The following SHROOM4 variants were observed in gnomAD, a reference collection of about 807,000 sequenced individuals.
The protein encoded by SHROOM4 is shroom family member 4.
Under a neutral mutation model 80.3 loss-of-function variants are expected in SHROOM4, and 17 were observed. The observed-to-expected ratio is 0.21, with a 90% confidence interval of 0.14 to 0.32. The LOEUF is 0.32. Among genes scored for constraint, SHROOM4 ranks in the 10% least tolerant of loss-of-function variants. SHROOM4 has a pLI of 1.00. For synonymous variants in SHROOM4, 400 were observed against 437.5 expected (o/e 0.91, Z 1.07); for missense variants, 993 against 1,140.3 (o/e 0.87, Z 1.86).
chrX:50,579,502 T>C, the SHROOM4 span, among the ~76,000 whole-genome samples: 32 of 111,975 alleles, frequency 2.9e-4, no homozygotes, highest in Admixed American at 4.7e-4. Flanking sequence ...CCCTATAATT[T>C]ATGGGGAATG....
At chrX:50,699,103 T>G (rs1047110871) in intron 1 of SHROOM4, among the ~76,000 whole-genome samples, 1 of 112,342 alleles carries the variant, frequency 8.9e-6, no homozygotes, top group Non-Finnish European at 1.9e-5. Flanking sequence ...AATTCTCAGA[T>G]TAGACCCAGA....
intron 1 of SHROOM4, among the ~76,000 whole-genome samples, chrX:50,773,773 A>G (rs1386519023): frequency 8.9e-6 from 1 of 112,500 alleles, no homozygotes; most frequent in Non-Finnish European, 1.9e-5. Flanking sequence ...TGAAAAAGCC[A>G]AGGTTTAAAC....
chrX:50,668,081 C>T (rs782630293), intron 2 of SHROOM4, among the ~76,000 whole-genome samples: 1 of 112,273 alleles, frequency 8.9e-6, no homozygotes, highest in African/African-American at 3.2e-5. Flanking sequence ...TCGCAAATCT[C>T]CTCCTCCAGG....
intron 2 of SHROOM4, among the ~76,000 whole-genome samples, chrX:50,652,160 T>C (rs781853530): frequency 8.9e-6 from 1 of 112,038 alleles, no homozygotes; most frequent in Non-Finnish European, 1.9e-5. Context: ...ATCGCCACAC[T>C]ATCTTCCACA....
chrX:50,725,642 C>T (rs4514144), intron 1 of SHROOM4, among the ~76,000 whole-genome samples: 6,429 of 112,235 alleles, frequency 0.057, 474 homozygotes, highest in African/African-American at 0.2. Flanking sequence ...TCTCTCTTTC[C>T]TGCTGCTATG....
chrX:50,598,611 G>C, intron 7 of SHROOM4, 76 bp from the exon 8 acceptor site: 1 of 1,102,819 alleles, frequency 9.1e-7, no homozygotes, highest in Non-Finnish European at 1.2e-6. Flanking sequence ...TGTAACCTCT[G>C]TTTTGGAATC....
rs190617771 is a variant in SHROOM4, at chrX:50,771,776, C to T, written c.117+42126G>A. The stretch of plus-strand genomic sequence containing the variant: ...AATCAGATAAGTGTGCAAAGGTGTA[C>T]GTACACAAATGGCCACTGTTGCACT... On this transcript the variant is annotated intron_variant, in intron 1 of 8. Coordinates refer to ENST00000376020, the MANE Select transcript of SHROOM4 (RefSeq NM_020717.5). Among the ~76,000 whole-genome samples, 427 of 112,056 alleles carry T rather than the reference C, an allele frequency of 3.8e-3. 2 individuals carry two copies. Among genetic ancestry groups the T allele is most frequent in the African/African-American group, 0.013 (391 of 30,809 alleles).
intron 2 of SHROOM4, among the ~76,000 whole-genome samples, chrX:50,680,108 C>T (rs1932910288): frequency 9.0e-6 from 1 of 111,652 alleles, no homozygotes; most frequent in Admixed American, 9.5e-5. Flanking sequence ...TTGTGGGATA[C>T]CACTCTCATT....
intron 1 of SHROOM4, among the ~76,000 whole-genome samples, chrX:50,800,682 C>T (rs1936100514): frequency 9.0e-6 from 1 of 111,231 alleles, no homozygotes; most frequent in Non-Finnish European, 1.9e-5. Flanking sequence ...GAGAGGTAAC[C>T]GTTCTGCCTG....
rs943333675 is a variant in SHROOM4, at chrX:50,591,424, C to T, written c.*5271G>A. Among the ~76,000 whole-genome samples the T allele has an allele frequency of 4.7e-4, 52 of 111,435 alleles. No homozygotes were observed. Among genetic ancestry groups the T allele is most frequent in the Non-Finnish European group, 4.1e-4 (22 of 53,120 alleles). On this transcript the variant is annotated 3_prime_UTR_variant, in exon 9 of 9. Transcript: ENST00000376020. ...ATTTTAGAATCAGCTTGTAAACTTA[C>T]ACAAGGAAGCCACTGGAATTCTGAT...
At chrX:50,694,636 T>C (rs782119930) in intron 2 of SHROOM4, among the ~76,000 whole-genome samples, 1 of 95,250 alleles carries the variant, frequency 1.0e-5, no homozygotes, top group Admixed American at 1.3e-4. Context: ...GGGCAAAATC[T>C]AGAGCTATAA....
intron 1 of SHROOM4, among the ~76,000 whole-genome samples, chrX:50,795,181 T>C (rs1351611035): frequency 2.4e-5 from 2 of 81,987 alleles, no homozygotes; most frequent in African/African-American, 4.8e-5. Flanking sequence ...TATATATATA[T>C]AAAACCATGG....
chrX:50,581,555 G>A, the SHROOM4 span, among the ~76,000 whole-genome samples: 1 of 111,627 alleles, frequency 9.0e-6, no homozygotes, highest in Admixed American at 9.5e-5. Flanking sequence ...TGGCCCTACT[G>A]GCATTTATTT....
chrX:50,728,231 C>T (rs782656987), intron 1 of SHROOM4, among the ~76,000 whole-genome samples: 2 of 110,941 alleles, frequency 1.8e-5, no homozygotes, highest in South Asian at 7.9e-4. Context: ...TGGTGGCGGG[C>T]ACCTGTAGTC....
At chrX:50,627,457 C>G (rs1325449523) in intron 5 of SHROOM4, among the ~76,000 whole-genome samples, 157 bp downstream of exon 5, 1 of 110,865 alleles carries the variant, frequency 9.0e-6, no homozygotes, top group Admixed American at 9.6e-5. Context: ...GTGCGGGGGG[C>G]AGGGGGACAG....
At position 50,634,534 on chromosome X, in the gene SHROOM4, G is replaced by C; in HGVS notation, c.1539C>G (p.Asn513Lys). The change falls in exon 4 of 9, where the codon AAC (asparagine) becomes AAG (lysine). Residue 513 changes from asparagine to lysine, a missense_variant. Transcript: ENST00000376020. ...HPSEKGFLDP[N>K]RTSRAASELA... is the part of the protein sequence containing the mutation. ...ATTCACTGGCTGCTCTGCTTGTTCT[G>C]TTTGGGTCCAGGAAACCTTTTTCTG... 8.3e-7 allele frequency: 1 copy of C among 1,211,760 alleles called. No homozygotes were observed. Among genetic ancestry groups the C allele is most frequent in the Non-Finnish European group, 1.1e-6 (1 of 895,551 alleles).
In SHROOM4 at chrX:50,592,505, A is replaced by C. The variant is rs1268722620; in HGVS notation, c.*4190T>G. 1.5e-5 allele frequency: 3 copies of C among 202,510 alleles called. No homozygotes were observed. The highest frequency in any genetic ancestry group is 8.9e-5 in the African/African-American group (3 of 33,632). The allele number at this position is 202,510 out of a possible 1,213,427, so 16.7% of individuals were successfully genotyped here. A position where few individuals can be genotyped will look rare whatever the true frequency, so the allele number is the denominator to read the frequency against. ...TGAACACAGTTCATTCTAATGCCAA[A>C]GCTGGACTCTTTCTACTCTACCACA... On this transcript the variant is annotated 3_prime_UTR_variant, in exon 9 of 9. Coordinates refer to ENST00000376020, the MANE Select transcript of SHROOM4 (RefSeq NM_020717.5).
At chrX:50,795,592 G>A (rs913788649) in intron 1 of SHROOM4, among the ~76,000 whole-genome samples, 4 of 111,744 alleles carry the variant, frequency 3.6e-5, no homozygotes, top group Non-Finnish European at 5.6e-5. Flanking sequence ...CAAGGAACAG[G>A]TAAGATTTAG....
chrX:50,697,179 G>C (rs782249462), intron 1 of SHROOM4, among the ~76,000 whole-genome samples: 73 of 111,755 alleles, frequency 6.5e-4, no homozygotes, highest in Admixed American at 2.5e-3. Flanking sequence ...AAGACGGTCA[G>C]GTAAAAAAGG....
Sources: gnomAD v4.1 joint callset for allele counts (sites outside exome capture counted in the v4.1 genomes callset) on GRCh38, gnomAD v4.1.1 for gene constraint, MANE v1.5 for transcripts, NCBI Gene and HGNC (gene_info 2026-07-23, HGNC 2026-07-21) for gene names.